Variants in CDH13 observed in about 807,000 individuals in gnomAD.
CDH13 encodes cadherin 13, also known as cadherin-13.
In CDH13, 24 loss-of-function variants were observed where a neutral mutation model predicts 63.8. That is an observed-to-expected ratio of 0.38 (90% confidence interval 0.27 to 0.53). The LOEUF (loss-of-function observed/expected upper bound fraction) is 0.53. CDH13 is among the 20% of genes least tolerant of loss of function. The pLI, the probability that CDH13 is intolerant of heterozygous loss-of-function variation, is 0.85. For synonymous variants in CDH13, 503 were observed against 355.3 expected (o/e 1.42, Z -4.67); for missense variants, 1,049 against 903.1 (o/e 1.16, Z -2.07).
At chr16:82,976,215 GC>G (rs1909483557) in intron 2 of CDH13, among the ~76,000 whole-genome samples, 1 of 152,196 alleles carries the variant, frequency 6.6e-6, no homozygotes, top group South Asian at 2.1e-4. Flanking sequence ...ACACCAGGGG[GC>G]CTGGGCTTTT....
intron 7 of CDH13, among the ~76,000 whole-genome samples, chr16:83,494,794 G>A (rs901284972): frequency 1.3e-5 from 2 of 152,150 alleles, no homozygotes; most frequent in African/African-American, 4.8e-5. Context: ...TTTCACTTTT[G>A]TTTTAAGAGG....
chr16:83,274,195 C>A (rs1395796695), intron 5 of CDH13, among the ~76,000 whole-genome samples: 3 of 152,176 alleles, frequency 2.0e-5, no homozygotes, highest in East Asian at 1.9e-4. Context: ...CAGTGACAAC[C>A]ATTCTGCTGG....
At chr16:83,091,216 TCTC>T (rs1055161197) in intron 3 of CDH13, among the ~76,000 whole-genome samples, 4 of 151,946 alleles carry the variant, frequency 2.6e-5, no homozygotes, top group African/African-American at 9.7e-5. Flanking sequence ...CTTTTCTCCT[TCTC>T]CTCCTCTTTG....
chr16:82,732,195 T>C (rs1164056097), intron 1 of CDH13, among the ~76,000 whole-genome samples: 1 of 152,202 alleles, frequency 6.6e-6, no homozygotes, highest in Non-Finnish European at 1.5e-5. Context: ...TAGGTCCATC[T>C]TCTTTATCAT....
At chr16:83,733,446 G>C (rs1943744636) in intron 10 of CDH13, among the ~76,000 whole-genome samples, 1 of 152,168 alleles carries the variant, frequency 6.6e-6, no homozygotes, top group East Asian at 1.9e-4. Context: ...ACTGGAGAGG[G>C]AGGTCCCGTC....
chr16:83,348,748 T>C (rs2151372077), intron 6 of CDH13, among the ~76,000 whole-genome samples: 2 of 152,278 alleles, frequency 1.3e-5, no homozygotes, highest in East Asian at 3.9e-4. Flanking sequence ...CCTCTGCAAA[T>C]GGGGATAGAA....
intron 5 of CDH13, among the ~76,000 whole-genome samples, chr16:83,310,119 A>C (rs1432010295): frequency 6.6e-6 from 1 of 152,222 alleles, no homozygotes; most frequent in African/African-American, 2.4e-5. Context: ...TGTGCATTGG[A>C]AGTGACAGAT....
At chr16:83,302,744 G>A (rs150735869) in intron 5 of CDH13, among the ~76,000 whole-genome samples, 7 of 152,292 alleles carry the variant, frequency 4.6e-5, no homozygotes, top group Admixed American at 3.3e-4. Flanking sequence ...AGTGGGAGAC[G>A]CCAAGGAGGC....
chr16:82,875,650 ACT>A (rs947296884), intron 2 of CDH13, among the ~76,000 whole-genome samples: 4 of 152,236 alleles, frequency 2.6e-5, no homozygotes, highest in African/African-American at 7.2e-5. Context: ...TTAAAACATG[ACT>A]CACATTCATA....
At chr16:82,954,267 T>G (rs11639621) in intron 2 of CDH13, 83,867 of 151,850 alleles carry the variant, frequency 0.55, 24,721 homozygotes, top group East Asian at 0.91. Context: ...AGTTCAGAGC[T>G]GCTTTCAGGG....
intron 8 of CDH13, among the ~76,000 whole-genome samples, chr16:83,627,441 C>G (rs1910414271): frequency 6.6e-6 from 1 of 152,238 alleles, no homozygotes. Flanking sequence ...CAGGCATTAG[C>G]TACAAAAGAC....
At chr16:83,647,705 C>G (rs764925042) in intron 8 of CDH13, among the ~76,000 whole-genome samples, 1 of 152,146 alleles carries the variant, frequency 6.6e-6, no homozygotes, top group Non-Finnish European at 1.5e-5. Context: ...AATGGCCCAT[C>G]TTTTTATCCT....
intron 1 of CDH13, among the ~76,000 whole-genome samples, chr16:82,749,376 T>C (rs909721217): frequency 6.6e-6 from 1 of 152,166 alleles, no homozygotes; most frequent in African/African-American, 2.4e-5. Context: ...TTACGAGTAA[T>C]AGTTTGAAGA....
intron 3 of CDH13, among the ~76,000 whole-genome samples, chr16:83,124,184 T>C (rs1168585711): frequency 2.6e-5 from 4 of 152,112 alleles, no homozygotes; most frequent in Non-Finnish European, 5.9e-5. Context: ...TAGCTGGGAT[T>C]ACAGGTACCT....
At chr16:83,757,971 A>G (rs1913651201) in intron 11 of CDH13, among the ~76,000 whole-genome samples, 1 of 152,136 alleles carries the variant, frequency 6.6e-6, no homozygotes. Context: ...CTGCTAAAAA[A>G]TACAAAAATT....
chr16:82,949,792 C>A (rs1224273377), intron 2 of CDH13, among the ~76,000 whole-genome samples: 2 of 152,082 alleles, frequency 1.3e-5, no homozygotes, highest in African/African-American at 4.8e-5. Flanking sequence ...GTTACAGCCT[C>A]TTTGTGTTAA....
At chr16:83,511,995 A>G (rs2151605191) in intron 7 of CDH13, among the ~76,000 whole-genome samples, 1 of 152,258 alleles carries the variant, frequency 6.6e-6, no homozygotes, top group East Asian at 1.9e-4. Context: ...AGTAAGTGTT[A>G]GCTAATAGCA....
At chr16:83,134,896 C>G (rs1489522296) in intron 4 of CDH13, among the ~76,000 whole-genome samples, 1 of 152,188 alleles carries the variant, frequency 6.6e-6, no homozygotes, top group Non-Finnish European at 1.5e-5. Flanking sequence ...AAGGAGGAAG[C>G]AATATTTTTA....
intron 1 of CDH13, among the ~76,000 whole-genome samples, chr16:82,673,557 T>C (rs1913546702): frequency 6.6e-6 from 1 of 152,128 alleles, no homozygotes; most frequent in African/African-American, 2.4e-5. Flanking sequence ...TAGATGAGCA[T>C]GAGATAAATA....
Sources: gnomAD v4.1 joint callset for allele counts (sites outside exome capture counted in the v4.1 genomes callset) on GRCh38, gnomAD v4.1.1 for gene constraint, MANE v1.5 for transcripts, NCBI Gene and HGNC (gene_info 2026-07-23, HGNC 2026-07-21) for gene names.